Variants in ZNF280D observed in about 807,000 individuals in gnomAD.
ZNF280D encodes the protein zinc finger protein 280D.
ZNF280D carries 39 observed loss-of-function variants against 94.7 expected under a neutral mutation model. The ratio of observed to expected loss-of-function variants is 0.41; its 90% CI spans 0.32 to 0.54. ZNF280D has a LOEUF of 0.54. ZNF280D is among the 20% of genes least tolerant of loss of function. The pLI, the probability that ZNF280D is intolerant of heterozygous loss-of-function variation, is 0.22. For synonymous variants in ZNF280D, 398 were observed against 377.6 expected, an observed-to-expected ratio of 1.05 and a Z score of -0.63; for missense variants, 1,090 against 1,149.3, an observed-to-expected ratio of 0.95 and a Z score of 0.75.
rs192074640 is a variant in ZNF280D at position 56,728,402 on chromosome 15, T to A, written c.-86+5056A>T. On this transcript the variant is annotated intron_variant, in intron 1 of 21. Coordinates refer to ENST00000267807, the MANE Select transcript of ZNF280D (RefSeq NM_017661.4). Reference sequence around the variant, plus strand: ...AAGGAAATAGAAAATATAGACATTTTAAAAAATTCATTGGATTGATCATTC... The same window carrying A: ...AAGGAAATAGAAAATATAGACATTTAAAAAAATTCATTGGATTGATCATTC... 2.4e-3 allele frequency among the ~76,000 whole-genome samples: 361 copies of A among 152,292 alleles called. 2 individuals carry two copies. The highest frequency in any genetic ancestry group is 4.2e-3 in the African/African-American group (176 of 41,554).
intron 7 of ZNF280D, among the ~76,000 whole-genome samples, chr15:56,692,310 C>T (rs1412591866): frequency 4.6e-5 from 7 of 151,690 alleles, no homozygotes. Flanking sequence ...TAAAAAAAAA[C>T]TGGGAGAGGG....
At chr15:56,678,866 A>G (rs747022601) in intron 10 of ZNF280D, 45 bp from the exon 11 acceptor site, 1 of 1,442,684 alleles carries the variant, frequency 6.9e-7, no homozygotes, top group South Asian at 1.6e-5. Context: ...ATTTAAAAAC[A>G]AAAAGGAAAT....
chr15:56,719,012 ATAATGTAAAAACAGGTT>A (rs2058195986), intron 1 of ZNF280D, among the ~76,000 whole-genome samples: 1 of 152,194 alleles, frequency 6.6e-6, no homozygotes, highest in African/African-American at 2.4e-5. Context: ...TCCTCCTTAA[ATAATGTAAAAACAGGTT>A]TTCCACAAAG....
At chr15:56,724,391 G>T (rs1213050110) in intron 1 of ZNF280D, among the ~76,000 whole-genome samples, 3 of 152,222 alleles carry the variant, frequency 2.0e-5, no homozygotes, top group African/African-American at 7.2e-5. Flanking sequence ...TCCAGGTGCA[G>T]TGAGGTGCAG....
intron 4 of ZNF280D, among the ~76,000 whole-genome samples, chr15:56,702,998 C>T (rs1465138646): frequency 2.0e-5 from 3 of 151,622 alleles, no homozygotes; most frequent in Admixed American, 1.3e-4. Context: ...TTGGTAAATT[C>T]TCCTGGCTTC....
chr15:56,649,100 G>A (rs1299087323), intron 19 of ZNF280D, among the ~76,000 whole-genome samples: 2 of 152,014 alleles, frequency 1.3e-5, no homozygotes, highest in South Asian at 2.1e-4. Context: ...GTGTAAAAAC[G>A]TGAAGAAAAA....
At chr15:56,683,036 T>C (rs2055742526) in intron 9 of ZNF280D, among the ~76,000 whole-genome samples, 1 of 152,070 alleles carries the variant, frequency 6.6e-6, no homozygotes, top group South Asian at 2.1e-4. Flanking sequence ...TCTATGAACA[T>C]TAAAGATTAC....
chr15:56,672,648 G>GT (rs1326114843), intron 13 of ZNF280D, among the ~76,000 whole-genome samples: 6 of 151,318 alleles, frequency 4.0e-5, no homozygotes, highest in Non-Finnish European at 8.9e-5. Context: ...TGTGTGTGTG[G>GT]TTTTTTTTGT....
chr15:56,674,690 G>GGTGGAAGC (rs2055096882), intron 13 of ZNF280D, among the ~76,000 whole-genome samples: 1 of 151,986 alleles, frequency 6.6e-6, no homozygotes, highest in African/African-American at 2.4e-5. Flanking sequence ...ACAAGAAAAT[G>GGTGGAAGC]CATGTAAAGT....
At chr15:56,730,213 GATTAA>G (rs1159148990) in intron 1 of ZNF280D, 2 of 152,116 alleles carry the variant, frequency 1.3e-5, no homozygotes, top group African/African-American at 4.8e-5. Flanking sequence ...ATAAGGCACT[GATTAA>G]ATCAAGTCAT....
chr15:56,695,342 G>A (rs2056680819), intron 6 of ZNF280D, among the ~76,000 whole-genome samples: 1 of 151,938 alleles, frequency 6.6e-6, no homozygotes, highest in East Asian at 1.9e-4. Flanking sequence ...CAAAGTGCTG[G>A]GATTACAGGG....
At chr15:56,641,719 G>A (rs1265568541) in intron 20 of ZNF280D, among the ~76,000 whole-genome samples, 1 of 151,680 alleles carries the variant, frequency 6.6e-6, no homozygotes, top group East Asian at 1.9e-4. Context: ...GGCAAACAGT[G>A]GCTTGTATAC....
chr15:56,654,047 C>T (rs1413578197), intron 19 of ZNF280D, 151 bp downstream of exon 19: 32 of 1,492,542 alleles, frequency 2.1e-5, no homozygotes, highest in Non-Finnish European at 2.5e-5. Context: ...CTCCATAGAG[C>T]AGGAACCTAT....
intron 1 of ZNF280D, among the ~76,000 whole-genome samples, chr15:56,708,358 C>A (rs1373567892): frequency 6.6e-6 from 1 of 152,092 alleles, no homozygotes; most frequent in African/African-American, 2.4e-5. Context: ...TCTTTTAACT[C>A]AATTTTTGAA....
In ZNF280D at chr15:56,631,726, T is replaced by G; in HGVS notation, c.2712A>C (p.Glu904Asp). Reference sequence around the variant, plus strand: ...GCTCGCTAACATCAGAACTAACAGATTCAGGTTCATGTCTTTTTCTCAAAA... The same window carrying G: ...GCTCGCTAACATCAGAACTAACAGAGTCAGGTTCATGTCTTTTTCTCAAAA... ...DQFLRKRHEP[E>D]SVSSDVSEQG... The change falls in exon 22 of 22, where the codon GAA (glutamate) becomes GAC (aspartate). Residue 904 changes from glutamate (E) to aspartate (D), a missense_variant. Physicochemically the swap from Glu to Asp is conservative, Grantham distance 45. Transcript: ENST00000267807. 6.2e-7 allele frequency: 1 copy of G among 1,614,166 alleles called. No homozygotes were observed. Among genetic ancestry groups the G allele is most frequent in the Non-Finnish European group, 8.5e-7 (1 of 1,180,010 alleles).
chr15:56,666,152 T>C (rs1162667620), intron 16 of ZNF280D, among the ~76,000 whole-genome samples: 2 of 152,064 alleles, frequency 1.3e-5, no homozygotes, highest in African/African-American at 4.8e-5. Flanking sequence ...AAAGAAAAAC[T>C]ATTACCCTAA....
At chr15:56,731,506 C>CAAAAAAAAAAAAAAAAAAAAAAAAAAAA in intron 1 of ZNF280D, among the ~76,000 whole-genome samples, 1 of 80,866 alleles carries the variant, frequency 1.2e-5, no homozygotes, top group Non-Finnish European at 2.2e-5. Context: ...GTACCTATCT[C>CAAAAAAAAAAAAAAAAAAAAAAAAAAAA]AAAAAAAAAA....
chr15:56,695,109 G>A (rs2056669069), intron 6 of ZNF280D, among the ~76,000 whole-genome samples: 1 of 151,826 alleles, frequency 6.6e-6, no homozygotes, highest in Admixed American at 6.6e-5. Flanking sequence ...TTTCACTTTT[G>A]TTGCCCAGGC....
At chr15:56,682,723 G>A (rs1241517089) in intron 9 of ZNF280D, among the ~76,000 whole-genome samples, 3 of 151,990 alleles carry the variant, frequency 2.0e-5, no homozygotes, top group African/African-American at 7.2e-5. Context: ...CCAAGACATG[G>A]CCATAGCTCT....
Sources: gnomAD v4.1 joint callset for allele counts (sites outside exome capture counted in the v4.1 genomes callset) on GRCh38, gnomAD v4.1.1 for gene constraint, MANE v1.5 for transcripts, NCBI Gene and HGNC (gene_info 2026-07-23, HGNC 2026-07-21) for gene names.